NKIRAS1: variants seen among roughly 807,000 people sequenced by gnomAD.
NKIRAS1 encodes the protein NFKB inhibitor interacting Ras like 1, also known as NF-kappa-B inhibitor-interacting Ras-like protein 1.
NKIRAS1 carries 16 observed loss-of-function variants against 19.8 expected under a neutral mutation model. The ratio of observed to expected loss-of-function variants is 0.81; its 90% CI spans 0.55 to 1.23. The LOEUF (loss-of-function observed/expected upper bound fraction) is 1.23, where lower values mean the gene tolerates loss of function less well. Ranked by LOEUF, NKIRAS1 falls within the 50% of genes most tolerant of loss-of-function variation. NKIRAS1 has a pLI of 0.00. For synonymous variants in NKIRAS1, 88 were observed against 79.0 expected (o/e 1.11, Z -0.61); for missense variants, 184 against 220.0 (o/e 0.84, Z 1.04).
chr3:23,938,596 G>A (rs140121319), intron 1 of NKIRAS1, among the ~76,000 whole-genome samples: 93 of 152,210 alleles, frequency 6.1e-4, no homozygotes, highest in African/African-American at 2.1e-3. Context: ...GTTCCCTTTT[G>A]AAAATGATAG....
chr3:23,945,831 C>G (rs372920096), intron 1 of NKIRAS1, among the ~76,000 whole-genome samples: 52 of 150,872 alleles, frequency 3.4e-4, no homozygotes, highest in Non-Finnish European at 4.9e-4. Flanking sequence ...CCCGGCCCCC[C>G]CCTCACATGG....
At chr3:23,909,135 T>C (rs1016277087) in intron 3 of NKIRAS1, among the ~76,000 whole-genome samples, 1 of 152,206 alleles carries the variant, frequency 6.6e-6, no homozygotes, top group Non-Finnish European at 1.5e-5. Flanking sequence ...ATAGGTATTA[T>C]AATAAACACT....
intron 1 of NKIRAS1, among the ~76,000 whole-genome samples, chr3:23,913,237 T>C (rs369621182): frequency 6.6e-5 from 10 of 152,248 alleles, no homozygotes; most frequent in African/African-American, 2.4e-4. Flanking sequence ...ACCAAAGAAG[T>C]CTTCATCATG....
chr3:23,941,432 A>G (rs1011172596), intron 1 of NKIRAS1, among the ~76,000 whole-genome samples: 2 of 152,156 alleles, frequency 1.3e-5, no homozygotes, highest in Admixed American at 6.5e-5. Flanking sequence ...CTAGAAAGTA[A>G]TTTGCATTTT....
At chr3:23,945,812 G>C (rs955010645) in intron 1 of NKIRAS1, among the ~76,000 whole-genome samples, 3 of 150,464 alleles carry the variant, frequency 2.0e-5, no homozygotes, top group Admixed American at 6.6e-5. Context: ...GCGGCCTGCC[G>C]GCGCCCGGCC....
At chr3:23,921,955 C>T (rs1705102491), upstream of NKIRAS1, 1 of 234,574 alleles carries the variant, frequency 4.3e-6, no homozygotes, top group African/African-American at 2.3e-5. Flanking sequence ...GCAATCCTGC[C>T]TTGGCCTCCC....
At chr3:23,912,704 G>A (rs1448621894) in intron 1 of NKIRAS1, among the ~76,000 whole-genome samples, 2 of 152,076 alleles carry the variant, frequency 1.3e-5, no homozygotes, top group African/African-American at 4.8e-5. Flanking sequence ...TATACCCAAA[G>A]GATTATAAAT....
At chr3:23,910,760 CCCCTGATAGCT>C in intron 3 of NKIRAS1, 40 bp downstream of exon 3, 2 of 1,355,490 alleles carry the variant, frequency 1.5e-6, no homozygotes, top group Non-Finnish European at 2.1e-6. Flanking sequence ...CAACAAAAGA[CCCCTGATAGCT>C]CCCAGAACCT....
chr3:23,945,682 T>G (rs1575140548), intron 1 of NKIRAS1: 12 of 180,412 alleles, frequency 6.7e-5, no homozygotes, highest in Non-Finnish European at 1.0e-4. Context: ...GCAGGGGGTG[T>G]CCCCATGGCC....
intron 1 of NKIRAS1, among the ~76,000 whole-genome samples, chr3:23,939,372 T>C (rs1168959794): frequency 2.6e-5 from 4 of 152,114 alleles, no homozygotes; most frequent in East Asian, 1.9e-4. Context: ...AATTAGGCCA[T>C]TGAAAAAGTT....
intron 3 of NKIRAS1, among the ~76,000 whole-genome samples, chr3:23,909,867 T>G (rs933047613): frequency 6.7e-6 from 1 of 149,792 alleles, no homozygotes; most frequent in South Asian, 2.1e-4. Context: ...TTTTTTTGTT[T>G]TTTTTTTTTT....
chr3:23,911,906 G>A (rs1186333866), intron 1 of NKIRAS1, among the ~76,000 whole-genome samples: 1 of 152,024 alleles, frequency 6.6e-6, no homozygotes, highest in Non-Finnish European at 1.5e-5. Context: ...GGGATTACAG[G>A]TGCCTGCCAC....
chr3:23,895,864 G>A (rs6808677), intron 4 of NKIRAS1, among the ~76,000 whole-genome samples: 32,473 of 151,982 alleles, frequency 0.21, 3,867 homozygotes, highest in Middle Eastern at 0.33. Flanking sequence ...AGCCAGGCAC[G>A]GTGACTCACA....
chr3:23,943,198 G>C (rs1169980330), intron 1 of NKIRAS1, among the ~76,000 whole-genome samples: 1 of 152,144 alleles, frequency 6.6e-6, no homozygotes, highest in African/African-American at 2.4e-5. Context: ...CTAGCCTTTA[G>C]TAACCACTGA....
chr3:23,945,984 T>C, intron 1 of NKIRAS1: 3 of 508,928 alleles, frequency 5.9e-6, no homozygotes, highest in Non-Finnish European at 7.6e-6. Context: ...GCCGCTCGGC[T>C]CCCTGACCCA....
chr3:23,928,998 TTAAAAAAAAAAA>T (rs1705260081), intron 1 of NKIRAS1, among the ~76,000 whole-genome samples: 1 of 101,322 alleles, frequency 9.9e-6, no homozygotes, highest in African/African-American at 3.3e-5. Context: ...CTCCATCTCT[TTAAAAAAAAAAA>T]AAAGAAAAGA....
At chr3:23,898,185 C>T (rs572703876) in intron 4 of NKIRAS1, among the ~76,000 whole-genome samples, 11 of 152,096 alleles carry the variant, frequency 7.2e-5, no homozygotes, top group African/African-American at 1.2e-4. Context: ...GGGAGAGGAG[C>T]TTTCATGACT....
intron 1 of NKIRAS1, among the ~76,000 whole-genome samples, chr3:23,915,184 A>C (rs1353237383): frequency 6.6e-6 from 1 of 152,244 alleles, no homozygotes; most frequent in Non-Finnish European, 1.5e-5. Context: ...TGTCTTTATA[A>C]GAGACACACA....
At chr3:23,925,861 T>C (rs183502112) in intron 1 of NKIRAS1, among the ~76,000 whole-genome samples, 1 of 152,310 alleles carries the variant, frequency 6.6e-6, no homozygotes, top group Admixed American at 6.5e-5. Flanking sequence ...TGCTTTTCAA[T>C]ATGATAGCCA....
Sources: allele counts gnomAD v4.1 joint callset (sites outside exome capture counted in the v4.1 genomes callset), GRCh38; gene constraint gnomAD v4.1.1; transcripts MANE v1.5; gene names NCBI Gene and HGNC (gene_info 2026-07-23, HGNC 2026-07-21).